The following GTF2F2 variants were observed in gnomAD, a reference collection of about 807,000 sequenced individuals.
The protein encoded by GTF2F2 is general transcription factor IIF subunit 2.
Under a neutral mutation model 42.2 loss-of-function variants are expected in GTF2F2, and 23 were observed. The ratio of observed to expected loss-of-function variants is 0.55; its 90% CI spans 0.39 to 0.77. The LOEUF (loss-of-function observed/expected upper bound fraction) is 0.77. Ranked by LOEUF, GTF2F2 falls within the 30% of genes least tolerant of loss-of-function variation. The pLI, the probability that GTF2F2 is intolerant of heterozygous loss-of-function variation, is 0.00. For missense variants in GTF2F2, 261 were observed against 287.2 expected (o/e 0.91, Z 0.66); for synonymous variants, 105 against 100.8 (o/e 1.04, Z -0.25).
At chr13:45,194,046 C>A (rs753064064) in intron 4 of GTF2F2, 1 of 1,614,060 alleles carries the variant, frequency 6.2e-7, no homozygotes, top group Non-Finnish European at 8.5e-7. Context: ...TTTTGGACAC[C>A]AGAACAATGC....
chr13:45,122,583 G>A (rs1191466098), intron 1 of GTF2F2, among the ~76,000 whole-genome samples: 1 of 152,014 alleles, frequency 6.6e-6, no homozygotes, highest in South Asian at 2.1e-4. Flanking sequence ...GCAGTGAGCC[G>A]AGATTGCTCC....
chr13:45,175,375 A>G (rs559327872), intron 4 of GTF2F2, among the ~76,000 whole-genome samples: 1 of 152,316 alleles, frequency 6.6e-6, no homozygotes, highest in South Asian at 2.1e-4. Context: ...TATCTTGGCT[A>G]TTGTGAATAG....
At chr13:45,198,393 C>T (rs775379960) in intron 4 of GTF2F2, among the ~76,000 whole-genome samples, 22 of 152,194 alleles carry the variant, frequency 1.4e-4, no homozygotes, top group Non-Finnish European at 3.2e-4. Flanking sequence ...TTATCCCTCC[C>T]GACTGGAAGA....
At chr13:45,271,223 G>C (rs568348439) in intron 7 of GTF2F2, among the ~76,000 whole-genome samples, 1 of 151,800 alleles carries the variant, frequency 6.6e-6, no homozygotes, top group Non-Finnish European at 1.5e-5. Flanking sequence ...CCCGGGAGGC[G>C]GAGGTTGCAG....
intron 4 of GTF2F2, among the ~76,000 whole-genome samples, chr13:45,154,120 T>C (rs575037005): frequency 6.6e-6 from 1 of 152,182 alleles, no homozygotes; most frequent in East Asian, 1.9e-4. Context: ...GGAAGAGGCA[T>C]GGCACCAAGA....
intron 6 of GTF2F2, among the ~76,000 whole-genome samples, chr13:45,253,500 A>T (rs1243325382): frequency 6.6e-6 from 1 of 152,208 alleles, no homozygotes; most frequent in African/African-American, 2.4e-5. Context: ...CCATCTGTAC[A>T]GTAGTACTCC....
chr13:45,274,021 C>A (rs1331813407), intron 7 of GTF2F2, among the ~76,000 whole-genome samples: 2 of 152,074 alleles, frequency 1.3e-5, no homozygotes, highest in African/African-American at 4.8e-5. Flanking sequence ...TCCCATTTCT[C>A]TGAGCAGGTG....
At chr13:45,260,697 C>T (rs1038619535) in intron 6 of GTF2F2, among the ~76,000 whole-genome samples, 1 of 152,164 alleles carries the variant, frequency 6.6e-6, no homozygotes, top group Admixed American at 6.5e-5. Context: ...ACCAAATCCA[C>T]AAAGGATTGT....
chr13:45,211,197 A>C (rs1873623757), intron 5 of GTF2F2, among the ~76,000 whole-genome samples: 1 of 152,206 alleles, frequency 6.6e-6, no homozygotes, highest in South Asian at 2.1e-4. Context: ...CCCCGTGTCC[A>C]TTATAATTTA....
At chr13:45,157,874 G>C (rs1194756763) in intron 4 of GTF2F2, among the ~76,000 whole-genome samples, 1 of 152,098 alleles carries the variant, frequency 6.6e-6, no homozygotes, top group Non-Finnish European at 1.5e-5. Context: ...ATGAGCCACT[G>C]TGCCCAGTCT....
chr13:45,246,377 C>T (rs1875615010), intron 5 of GTF2F2, among the ~76,000 whole-genome samples: 1 of 152,040 alleles, frequency 6.6e-6, no homozygotes, highest in Non-Finnish European at 1.5e-5. Context: ...TGTTTGAGCC[C>T]AGTTATTCTT....
At chr13:45,215,138 G>C (rs531290531) in intron 5 of GTF2F2, among the ~76,000 whole-genome samples, 55 of 152,290 alleles carry the variant, frequency 3.6e-4, no homozygotes, top group Admixed American at 5.9e-4. Flanking sequence ...TTGAGCACTG[G>C]CATGATGTTC....
intron 5 of GTF2F2, among the ~76,000 whole-genome samples, chr13:45,222,608 C>A (rs1593499729): frequency 6.6e-6 from 1 of 152,050 alleles, no homozygotes; most frequent in African/African-American, 2.4e-5. Context: ...TTTTTTTTCC[C>A]CTCAGAATCA....
intron 5 of GTF2F2, among the ~76,000 whole-genome samples, chr13:45,240,975 CAAA>C (rs1210038157): frequency 1.9e-5 from 2 of 106,494 alleles, no homozygotes; most frequent in Non-Finnish European, 2.0e-5. Flanking sequence ...CCTGTTATTA[CAAA>C]AAAAAAAAAA....
chr13:45,244,773 C>T (rs914762321), intron 5 of GTF2F2, among the ~76,000 whole-genome samples: 1 of 152,172 alleles, frequency 6.6e-6, no homozygotes, highest in African/African-American at 2.4e-5. Context: ...TGGGTTCAAG[C>T]GATTCTCCTG....
chr13:45,228,214 G>A (rs1253213865), intron 5 of GTF2F2, among the ~76,000 whole-genome samples: 3 of 147,736 alleles, frequency 2.0e-5, no homozygotes, highest in Middle Eastern at 3.6e-3. Flanking sequence ...CATCCCTTGG[G>A]TATTGTTCTC....
intron 1 of GTF2F2, among the ~76,000 whole-genome samples, chr13:45,128,617 A>G (rs1869172291): frequency 6.6e-6 from 1 of 151,744 alleles, no homozygotes; most frequent in South Asian, 2.1e-4. Flanking sequence ...TTTGAGAAAG[A>G]GTCTCGCTCT....
At chr13:45,273,758 G>A (rs575932917) in intron 7 of GTF2F2, among the ~76,000 whole-genome samples, 3 of 147,026 alleles carry the variant, frequency 2.0e-5, no homozygotes, top group South Asian at 2.1e-4. Flanking sequence ...TGGTTCAAGC[G>A]ATTCTCCTGC....
chr13:45,161,030 A>G (rs140439548), intron 4 of GTF2F2, among the ~76,000 whole-genome samples: 3 of 152,324 alleles, frequency 2.0e-5, no homozygotes, highest in Admixed American at 6.5e-5. Context: ...TAAAGGATGC[A>G]TACTCAAGGG....
Sources: allele counts gnomAD v4.1 joint callset (sites outside exome capture counted in the v4.1 genomes callset), GRCh38; gene constraint gnomAD v4.1.1; transcripts MANE v1.5; gene names NCBI Gene and HGNC (gene_info 2026-07-23, HGNC 2026-07-21).